Variants in EIF4B observed in about 807,000 individuals in gnomAD.
The protein encoded by EIF4B is eukaryotic translation initiation factor 4B.
In EIF4B, 8 loss-of-function variants were observed where a neutral mutation model predicts 79.3. The ratio of observed to expected loss-of-function variants is 0.10; its 90% CI spans 0.06 to 0.18. The LOEUF (loss-of-function observed/expected upper bound fraction) is 0.18. Ranked by LOEUF, EIF4B falls within the 10% of genes least tolerant of loss-of-function variation. EIF4B has a pLI of 1.00. For synonymous variants in EIF4B, 238 were observed against 274.7 expected (o/e 0.87, Z 1.32); for missense variants, 515 against 792.4 (o/e 0.65, Z 4.20).
chr12:53,007,440 T>A (rs1942987022), intron 1 of EIF4B, among the ~76,000 whole-genome samples: 3 of 147,906 alleles, frequency 2.0e-5, no homozygotes, highest in Non-Finnish European at 4.5e-5. Flanking sequence ...TTTTTTTTTT[T>A]TTTTTTTTAA....
Position 53,018,940 on chromosome 12 carries a change from T to C in EIF4B, c.294T>C (p.Ala98=), listed in dbSNP as rs774415540. Residue 98 remains alanine, a synonymous_variant, in exon 3 of 15, where the codon GCT becomes GCC. Coordinates refer to ENST00000262056, the MANE Select transcript of EIF4B (RefSeq NM_001417.7). ...SRLPKSPPYT[A]FLGNLPYDVT... is the part of the protein sequence containing the mutation. The stretch of plus-strand genomic sequence containing the variant: ...TTCCCAAATCGCCACCCTACACTGC[T>C]TTTCTAGGAAACCTACCCTATGATG... 6.2e-7 allele frequency: 1 copy of C among 1,614,010 alleles called. No individual in the cohort carries two copies. Among genetic ancestry groups the C allele is most frequent in the Non-Finnish European group, 8.5e-7 (1 of 1,179,954 alleles).
At chr12:53,027,754 G>A in intron 6 of EIF4B, 28 bp from the exon 7 acceptor site, 4 of 1,601,826 alleles carry the variant, frequency 2.5e-6, no homozygotes, top group Non-Finnish European at 3.4e-6. Context: ...GAGAAAAGGG[G>A]ATGGTGTTAC....
chr12:53,026,850 A>G (rs1330376354), intron 6 of EIF4B, among the ~76,000 whole-genome samples: 1 of 152,078 alleles, frequency 6.6e-6, no homozygotes, highest in Non-Finnish European at 1.5e-5. Context: ...CAATCCACCA[A>G]CCTCAACCTC....
chr12:53,025,343 C>T (rs527278733), intron 6 of EIF4B: 5 of 436,340 alleles, frequency 1.1e-5, no homozygotes, highest in East Asian at 7.1e-5. Flanking sequence ...GAATGGATAA[C>T]GAGTGAGTGT....
At chr12:53,026,864 A>G (rs376251114) in intron 6 of EIF4B, among the ~76,000 whole-genome samples, 3 of 152,224 alleles carry the variant, frequency 2.0e-5, no homozygotes, top group African/African-American at 7.2e-5. Context: ...CAACCTCCCA[A>G]AGTGTATTTG....
chr12:53,031,417 G>C (rs1268801236), intron 8 of EIF4B, among the ~76,000 whole-genome samples: 1 of 152,146 alleles, frequency 6.6e-6, no homozygotes, highest in Non-Finnish European at 1.5e-5. Context: ...GCTGGGACTA[G>C]AGGTGCGTGC....
rs768137079 is a variant in EIF4B at position 53,006,463 on chromosome 12, G to T, written c.-21G>T. The T allele has an allele frequency of 3.7e-6, 6 of 1,613,038 alleles. No individual in the cohort carries two copies. The highest frequency in any genetic ancestry group is 3.4e-6 in the Non-Finnish European group (4 of 1,180,030). ...TGATTGCCTCATCCGGGTCTTTTGC[G>T]TTCTCTTTCCCTCTCCCAACATGGC... On this transcript the variant is annotated 5_prime_UTR_variant, in exon 1 of 15. Coordinates refer to ENST00000262056, the MANE Select transcript of EIF4B (RefSeq NM_001417.7).
rs541542991 is a variant in EIF4B, at chr12:53,018,667, C to T, written c.152-131C>T. On this transcript the variant is annotated intron_variant, in intron 2 of 14. Transcript: ENST00000262056. ...TTCGTAAAGTGCCCTTATTACTGAA[C>T]CCCCACTTTTTTTGGTCTGGTTTTC... 2.8e-5 allele frequency: 25 copies of T among 899,182 alleles called. 1 individual carries two copies. In the South Asian group the frequency reaches 4.2e-4, roughly 15 times the overall value. 55.7% of individuals were successfully genotyped at this position (899,182 alleles called of 1,614,324 possible).
Position 53,028,346 on chromosome 12 carries a change from T to G in EIF4B, c.979+158T>G, listed in dbSNP as rs533406194. ...GTAGAAAGAGCATTGGCTGGCCAGG[T>G]GTGGGCAGATCACAAGGTCAGGAGA... On this transcript the variant is annotated intron_variant, in intron 8 of 14. Transcript: ENST00000262056. 2.7e-4 allele frequency among the ~76,000 whole-genome samples: 41 copies of G among 152,202 alleles called. No individual in the cohort carries two copies. In the Middle Eastern group the frequency reaches 0.014, roughly 51 times the overall value.
At chr12:53,021,242 C>T (rs1943242996) in intron 4 of EIF4B, among the ~76,000 whole-genome samples, 1 of 152,166 alleles carries the variant, frequency 6.6e-6, no homozygotes, top group African/African-American at 2.4e-5. Context: ...GTAGACAAAG[C>T]ATGCTTTATG....
At chr12:53,028,853 C>A (rs957459756) in intron 8 of EIF4B, among the ~76,000 whole-genome samples, 5 of 152,038 alleles carry the variant, frequency 3.3e-5, no homozygotes, top group African/African-American at 1.2e-4. Context: ...AGGCCAGGTG[C>A]AGTGGCTCAC....
chr12:53,014,972 A>C (rs1943125366), intron 1 of EIF4B: 1 of 152,238 alleles, frequency 6.6e-6, no homozygotes, highest in South Asian at 2.1e-4. Context: ...GAGCAGTGTC[A>C]GTTCACTAAG....
intron 8 of EIF4B, among the ~76,000 whole-genome samples, chr12:53,028,986 C>T (rs1360647345): frequency 6.6e-6 from 1 of 151,854 alleles, no homozygotes; most frequent in Non-Finnish European, 1.5e-5. Context: ...ATTAGGTGGC[C>T]GTAGTGGCAC....
Position 53,034,508 on chromosome 12 carries a change from C to G in EIF4B, c.1209-104C>G, listed in dbSNP as rs911269942. On this transcript the variant is annotated intron_variant, in intron 9 of 14. Coordinates refer to ENST00000262056, the MANE Select transcript of EIF4B (RefSeq NM_001417.7). ...GGAAAGATAAATTTATATGCATATA[C>G]ACATATAGATGAAGTAAGTGATGGT... is the stretch of plus-strand genomic sequence containing the variant. 4.9e-6 allele frequency: 5 copies of G among 1,012,390 alleles called. 1 individual carries two copies. The highest frequency in any genetic ancestry group is 7.6e-6 in the Non-Finnish European group (5 of 653,652). The allele number at this position is 1,012,390 out of a possible 1,614,324, so 62.7% of individuals were successfully genotyped here. A position where few individuals can be genotyped will look rare whatever the true frequency, so the allele number is the denominator to read the frequency against.
At chr12:53,035,549 T>C (rs905196176) in intron 10 of EIF4B, among the ~76,000 whole-genome samples, 6 of 151,740 alleles carry the variant, frequency 4.0e-5, no homozygotes, top group Admixed American at 1.3e-4. Flanking sequence ...TTTGTATTTT[T>C]AGTAGAGATG....
At chr12:53,039,400 A>G (rs1943592457) in intron 13 of EIF4B, 57 bp downstream of exon 13, 1 of 1,431,662 alleles carries the variant, frequency 7.0e-7, no homozygotes, top group Non-Finnish European at 9.5e-7. Context: ...GTAATTAAGA[A>G]ATTAAGTTCT....
At chr12:53,019,450 CTTTTTTTT>C (rs71095966) in intron 3 of EIF4B, among the ~76,000 whole-genome samples, 3 of 66,002 alleles carry the variant, frequency 4.5e-5, no homozygotes, top group East Asian at 3.2e-4. Context: ...TTTTTTTTTT[CTTTTTTTT>C]TTTTTTTTTT....
chr12:53,025,107 G>A, intron 6 of EIF4B: 1 of 408,746 alleles, frequency 2.4e-6, no homozygotes, highest in South Asian at 1.8e-5. Flanking sequence ...CTGAAAGAAG[G>A]ATAAATCAGC....
intron 1 of EIF4B, among the ~76,000 whole-genome samples, chr12:53,007,420 CTTTTTTTT>C (rs56017954): frequency 9.8e-5 from 9 of 92,248 alleles, no homozygotes; most frequent in Non-Finnish European, 1.5e-4. Flanking sequence ...AGATTTCAGC[CTTTTTTTT>C]TTTTTTTTTT....
Sources: gnomAD v4.1 joint callset for allele counts (sites outside exome capture counted in the v4.1 genomes callset) on GRCh38, gnomAD v4.1.1 for gene constraint, MANE v1.5 for transcripts, NCBI Gene and HGNC (gene_info 2026-07-23, HGNC 2026-07-21) for gene names.